PPP2R3A: variants seen among roughly 807,000 people sequenced by gnomAD.
The protein encoded by PPP2R3A is protein phosphatase 2 regulatory subunit B''alpha, also known as serine/threonine-protein phosphatase 2A regulatory subunit B'' subunit alpha.
A neutral mutation model predicts 106.9 loss-of-function variants in PPP2R3A; 80 were observed. That is an observed-to-expected ratio of 0.75 (90% CI 0.62 to 0.90). The LOEUF (loss-of-function observed/expected upper bound fraction) is 0.90. Among genes scored for constraint, PPP2R3A ranks in the 40% least tolerant of loss-of-function variants. The pLI, the probability that PPP2R3A is intolerant of heterozygous loss-of-function variation, is 0.00. For synonymous variants in PPP2R3A, 483 were observed against 468.3 expected (o/e 1.03, Z -0.41); for missense variants, 1,386 against 1,350.4 (o/e 1.03, Z -0.41).
intron 13 of PPP2R3A, among the ~76,000 whole-genome samples, chr3:136,138,693 GA>G (rs1938722499): frequency 7.6e-5 from 5 of 66,030 alleles, no homozygotes; most frequent in Admixed American, 1.8e-4. Context: ...GAGAAATATT[GA>G]ATTTTTTTTT....
intron 7 of PPP2R3A, among the ~76,000 whole-genome samples, chr3:136,080,697 C>G (rs933461629): frequency 3.3e-5 from 5 of 152,138 alleles, no homozygotes; most frequent in African/African-American, 1.2e-4. Flanking sequence ...TTCATCTAGT[C>G]TTATTCATAT....
intron 10 of PPP2R3A, among the ~76,000 whole-genome samples, chr3:136,095,790 T>C (rs1937202489): frequency 6.6e-6 from 1 of 152,196 alleles, no homozygotes; most frequent in South Asian, 2.1e-4. Flanking sequence ...ACCCTGCATG[T>C]TATTCTCAGT....
At chr3:136,060,125 G>T (rs749191016) in intron 5 of PPP2R3A, among the ~76,000 whole-genome samples, 3 of 152,056 alleles carry the variant, frequency 2.0e-5, no homozygotes, top group Non-Finnish European at 4.4e-5. Context: ...ATGAGCACCC[G>T]AACTTAAAAC....
chr3:136,130,855 A>G (rs1259654730), intron 13 of PPP2R3A, among the ~76,000 whole-genome samples: 2 of 152,186 alleles, frequency 1.3e-5, no homozygotes, highest in Non-Finnish European at 2.9e-5. Flanking sequence ...ATAACACCAC[A>G]CATCTACAAC....
intron 5 of PPP2R3A, among the ~76,000 whole-genome samples, chr3:136,056,477 A>C (rs1935864415): frequency 1.1e-5 from 1 of 87,010 alleles, no homozygotes; most frequent in East Asian, 2.1e-4. Context: ...ACCTAAAACT[A>C]TTCTAAAAAA....
intron 1 of PPP2R3A, among the ~76,000 whole-genome samples, chr3:135,966,781 C>T (rs1937100605): frequency 2.0e-5 from 3 of 152,308 alleles, no homozygotes; most frequent in Non-Finnish European, 2.9e-5. Context: ...GTAATTCCTT[C>T]CAACATCTGA....
At chr3:136,120,154 G>A (rs924008104) in intron 13 of PPP2R3A, among the ~76,000 whole-genome samples, 2 of 152,038 alleles carry the variant, frequency 1.3e-5, no homozygotes, top group Non-Finnish European at 2.9e-5. Context: ...GGGGCTAGGG[G>A]AGTGATAGCA....
intron 13 of PPP2R3A, 136 bp from the exon 14 acceptor site, chr3:136,144,907 T>C: frequency 3.5e-6 from 3 of 851,916 alleles, no homozygotes; most frequent in South Asian, 1.8e-5. Flanking sequence ...TCACGGCAGT[T>C]GAGTTGCTCA....
chr3:136,008,676 G>C (rs1427803941), intron 2 of PPP2R3A, among the ~76,000 whole-genome samples: 2 of 152,138 alleles, frequency 1.3e-5, no homozygotes, highest in East Asian at 3.8e-4. Context: ...TGCACACAAA[G>C]TTTGGGGTAC....
intron 3 of PPP2R3A, among the ~76,000 whole-genome samples, chr3:136,032,526 A>AT (rs1473500738): frequency 8.4e-5 from 12 of 143,282 alleles, no homozygotes; most frequent in South Asian, 2.2e-4. Context: ...TAATTTATTT[A>AT]TTTATTTTTT....
At chr3:135,981,432 C>A (rs1937537994) in intron 1 of PPP2R3A, among the ~76,000 whole-genome samples, 1 of 151,794 alleles carries the variant, frequency 6.6e-6, no homozygotes, top group Non-Finnish European at 1.5e-5. Context: ...TCAGTAAGGC[C>A]ACTTTATCCT....
intron 8 of PPP2R3A, 110 bp from the exon 9 acceptor site, chr3:136,087,773 G>A (rs899523450): frequency 9.0e-6 from 6 of 665,610 alleles, no homozygotes; most frequent in African/African-American, 3.6e-5. Flanking sequence ...CATCATGGAC[G>A]ATGGTTACGG....
chr3:136,011,280 T>C (rs955028002), intron 2 of PPP2R3A, among the ~76,000 whole-genome samples: 18 of 152,148 alleles, frequency 1.2e-4, no homozygotes, highest in African/African-American at 4.3e-4. Context: ...CTGTTTCTTT[T>C]TCTCCACTGA....
chr3:136,010,283 G>C (rs1260862515), intron 2 of PPP2R3A, among the ~76,000 whole-genome samples: 9 of 140,464 alleles, frequency 6.4e-5, no homozygotes, highest in Non-Finnish European at 1.2e-4. Context: ...TTTTGAGGTG[G>C]AGTCTCACTC....
At chr3:135,978,748 T>C (rs1937489670) in intron 1 of PPP2R3A, among the ~76,000 whole-genome samples, 1 of 151,870 alleles carries the variant, frequency 6.6e-6, no homozygotes, top group Non-Finnish European at 1.5e-5. Context: ...AAAATGTAAG[T>C]ATCAGGTTAT....
intron 2 of PPP2R3A, among the ~76,000 whole-genome samples, chr3:136,010,258 CTTTT>C (rs35997478): frequency 2.5e-5 from 3 of 121,282 alleles, no homozygotes; most frequent in South Asian, 2.7e-4. Flanking sequence ...TTCTTTCTTT[CTTTT>C]TTTTTTTTTT....
At position 136,003,621 on chromosome 3, in the gene PPP2R3A, G is replaced by A. The variant is rs1043281968; in HGVS notation, c.1995+128G>A. On this transcript the variant is annotated intron_variant, in intron 2 of 13. Transcript: ENST00000264977. ...TAAAGCTCTGCCCTACACTAGGAATGATCTCACTCAGCTCAGAGTCAGTAA... is the reference window on the plus strand; with the variant it reads ...TAAAGCTCTGCCCTACACTAGGAATAATCTCACTCAGCTCAGAGTCAGTAA... 1.4e-5 allele frequency: 10 copies of A among 740,274 alleles called. No individual in the cohort carries two copies. The African/African-American group carries it at 1.5e-4, about 11-fold the overall frequency. 45.9% of individuals were successfully genotyped at this position (740,274 alleles called of 1,614,324 possible).
chr3:136,047,639 C>A (rs1475652994), intron 4 of PPP2R3A, among the ~76,000 whole-genome samples: 6 of 152,146 alleles, frequency 3.9e-5, no homozygotes, highest in Admixed American at 3.9e-4. Context: ...TGGTGGCTCA[C>A]GCCTGTAATC....
intron 2 of PPP2R3A, among the ~76,000 whole-genome samples, chr3:136,009,007 T>C (rs1012775428): frequency 6.6e-6 from 1 of 152,120 alleles, no homozygotes; most frequent in African/African-American, 2.4e-5. Flanking sequence ...ACTGCTCTTA[T>C]ATATTTCCTA....
Sources: allele counts gnomAD v4.1 joint callset (sites outside exome capture counted in the v4.1 genomes callset), GRCh38; gene constraint gnomAD v4.1.1; transcripts MANE v1.5; gene names NCBI Gene and HGNC (gene_info 2026-07-23, HGNC 2026-07-21).